Variants in OSBPL9 observed in about 807,000 individuals in gnomAD.
The protein encoded by OSBPL9 is oxysterol-binding protein-related protein 9.
A neutral mutation model predicts 106.6 loss-of-function variants in OSBPL9; 40 were observed. The observed-to-expected ratio is 0.38, with a 90% CI of 0.29 to 0.49. The LOEUF is 0.49. OSBPL9 is among the 20% of genes least tolerant of loss of function. The pLI is 0.97. For missense variants in OSBPL9, 609 were observed against 887.2 expected (o/e 0.69, Z 3.98); for synonymous variants, 269 against 295.4 (o/e 0.91, Z 0.92).
chr1:51,684,989 G>A (rs1195430701), intron 3 of OSBPL9, among the ~76,000 whole-genome samples: 3 of 148,108 alleles, frequency 2.0e-5, no homozygotes, highest in African/African-American at 7.6e-5. Flanking sequence ...ATAGCTCACT[G>A]TGGCCTTGAA....
At chr1:51,632,229 T>A (rs1239571395) in intron 1 of OSBPL9, among the ~76,000 whole-genome samples, 1 of 152,244 alleles carries the variant, frequency 6.6e-6, no homozygotes, top group Middle Eastern at 3.2e-3. Context: ...TTGTATGTGC[T>A]ATATTTTATA....
chr1:51,660,475 C>A (rs183020390), intron 2 of OSBPL9, among the ~76,000 whole-genome samples: 11 of 151,904 alleles, frequency 7.2e-5, no homozygotes, highest in African/African-American at 2.7e-4. Context: ...AAAGAAAATC[C>A]CCCCAAATGC....
chr1:51,678,256 G>A (rs970523227), intron 3 of OSBPL9, among the ~76,000 whole-genome samples: 1 of 152,158 alleles, frequency 6.6e-6, no homozygotes, highest in Non-Finnish European at 1.5e-5. Context: ...AGCAATACAA[G>A]TTGCCTAAGA....
chr1:51,551,967 A>ATGTG, the OSBPL9 span, among the ~76,000 whole-genome samples: 34,917 of 145,028 alleles, frequency 0.24, 4,531 homozygotes, highest in Non-Finnish European at 0.29. Context: ...GTGAATAGAA[A>ATGTG]TGTGTGTGTG....
chr1:51,596,351 A>G (rs891559335), intron 1 of OSBPL9, among the ~76,000 whole-genome samples: 2 of 151,368 alleles, frequency 1.3e-5, no homozygotes, highest in African/African-American at 2.4e-5. Flanking sequence ...CACCACCTGA[A>G]GAGTACAACA....
Position 51,632,390 on chromosome 1 carries a change from T to C in OSBPL9, c.111+15169T>C, listed in dbSNP as rs371551930. 4.6e-4 allele frequency among the ~76,000 whole-genome samples: 70 copies of C among 152,270 alleles called. 3 individuals carry two copies. The South Asian group carries it at 0.012, about 25-fold the overall frequency. ...TTATTTCCTTTGAACAGTGAAGACA[T>C]TGAAATTTAAGAGGATCCCATAGTA... On this transcript the variant is annotated intron_variant, in intron 1 of 23. Transcript: ENST00000428468.
intron 3 of OSBPL9, among the ~76,000 whole-genome samples, chr1:51,681,921 G>T (rs1220595261): frequency 2.6e-5 from 4 of 152,188 alleles, no homozygotes; most frequent in South Asian, 4.2e-4. Context: ...TATTATTTTG[G>T]CTGGGCGTGG....
the OSBPL9 span, chr1:51,519,266 C>G: frequency 1.0e-6 from 1 of 984,092 alleles, no homozygotes; most frequent in Non-Finnish European, 1.2e-6. Context: ...GGAAGGAAGA[C>G]GGGCTGACTG....
At chr1:51,626,942 T>C (rs909545072) in intron 1 of OSBPL9, among the ~76,000 whole-genome samples, 2 of 152,246 alleles carry the variant, frequency 1.3e-5, no homozygotes, top group African/African-American at 4.8e-5. Context: ...TGTTTACTTC[T>C]AAGAGTTGTT....
Position 51,584,402 on chromosome 1 carries a change from A to G in OSBPL9, c.-423+7146A>G, listed in dbSNP as rs148086162. On this transcript the variant is annotated intron_variant, in intron 1 of 25. Transcript: ENST00000371714. ...TCATTTTCCCCATCTGTACAATGAA[A>G]GGGTTGGATTCTAAAGGCCTTGCAT... Among the ~76,000 whole-genome samples the G allele has an allele frequency of 2.0e-5, 3 of 152,256 alleles. No individual in the cohort carries two copies. The East Asian group carries it at 5.8e-4, about 29-fold the overall frequency.
intron 9 of OSBPL9, among the ~76,000 whole-genome samples, chr1:51,757,804 T>C (rs900207382): frequency 6.6e-6 from 1 of 152,116 alleles, no homozygotes; most frequent in African/African-American, 2.4e-5. Flanking sequence ...ACTTAACCTT[T>C]CTGAGTCTTA....
intron 4 of OSBPL9, chr1:51,724,678 TTC>T (rs1662792264): frequency 6.5e-6 from 1 of 152,952 alleles, no homozygotes; most frequent in Admixed American, 6.5e-5. Context: ...CCCCTCTAGC[TTC>T]TCTCAGGATT....
At chr1:51,565,086 C>T in the OSBPL9 span, among the ~76,000 whole-genome samples, 907 of 152,306 alleles carry the variant, frequency 6.0e-3, 10 homozygotes, top group African/African-American at 0.02. Flanking sequence ...CTACACGTGG[C>T]TAGGCAACTG....
At chr1:51,558,066 G>A in the OSBPL9 span, among the ~76,000 whole-genome samples, 10 of 152,142 alleles carry the variant, frequency 6.6e-5, no homozygotes, top group African/African-American at 2.4e-4. Context: ...AGATCACGAG[G>A]TCAGGAGATC....
At chr1:51,581,537 G>C (rs952376861) in intron 1 of OSBPL9, among the ~76,000 whole-genome samples, 3 of 152,182 alleles carry the variant, frequency 2.0e-5, no homozygotes, top group African/African-American at 7.2e-5. Context: ...TTTGAGGGCA[G>C]AGTATTTACA....
intron 4 of OSBPL9, among the ~76,000 whole-genome samples, chr1:51,740,800 T>A (rs1361478990): frequency 1.3e-5 from 2 of 152,194 alleles, no homozygotes; most frequent in Non-Finnish European, 2.9e-5. Context: ...ATAGGTTTCT[T>A]AATTTCCGGA....
At position 51,659,009 on chromosome 1, in the gene OSBPL9, TTGG is replaced by T. The variant is rs542141396; in HGVS notation, c.162+6970_162+6972del. 1.4e-4 allele frequency among the ~76,000 whole-genome samples: 21 copies of T among 152,252 alleles called. No individual in the cohort carries two copies. The South Asian group carries it at 4.1e-3, about 30-fold the overall frequency. On this transcript the variant is annotated intron_variant, in intron 2 of 23. Coordinates refer to ENST00000428468, the MANE Select transcript of OSBPL9 (RefSeq NM_024586.6). ...GTAAACATCTATTTAATCTCTGTGA[TTGG>T]TACATAGATGTCATTAGTGCTCTAT...
chr1:51,773,658 T>C (rs978816906), intron 14 of OSBPL9, among the ~76,000 whole-genome samples: 1 of 152,228 alleles, frequency 6.6e-6, no homozygotes, highest in Non-Finnish European at 1.5e-5. Context: ...TTCTCACTTT[T>C]GTTAGGGCAA....
chr1:51,593,456 A>G (rs1302851258), intron 1 of OSBPL9, among the ~76,000 whole-genome samples: 2 of 151,868 alleles, frequency 1.3e-5, no homozygotes, highest in African/African-American at 2.4e-5. Context: ...CCTGCTCTCC[A>G]GCCTCACCCT....
Sources: allele counts gnomAD v4.1 joint callset (sites outside exome capture counted in the v4.1 genomes callset), GRCh38; gene constraint gnomAD v4.1.1; transcripts MANE v1.5; gene names NCBI Gene and HGNC (gene_info 2026-07-23, HGNC 2026-07-21).